ADCY10: variants seen among roughly 807,000 people sequenced by gnomAD.
The protein encoded by ADCY10 is adenylate cyclase 10.
ADCY10 carries 156 observed loss-of-function variants against 183.3 expected under a neutral mutation model. That is an observed-to-expected ratio of 0.85 (90% CI 0.75 to 0.97). The LOEUF (loss-of-function observed/expected upper bound fraction) is 0.97, where lower values mean the gene tolerates loss of function less well. Among genes scored for constraint, ADCY10 ranks in the 50% least tolerant of loss-of-function variants. The pLI is 0.00. For synonymous variants in ADCY10, 645 were observed against 670.0 expected, an observed-to-expected ratio of 0.96 and a Z score of 0.58; for missense variants, 1,745 against 1,934.3, an observed-to-expected ratio of 0.90 and a Z score of 1.84.
intron 30 of ADCY10, chr1:167,820,322 C>T (rs996067722): frequency 1.9e-6 from 2 of 1,060,714 alleles, no homozygotes; most frequent in South Asian, 1.7e-5. Flanking sequence ...GGGGACTAGC[C>T]GGCCTTGAGG....
At chr1:167,831,761 A>T (rs1355733157) in intron 25 of ADCY10, among the ~76,000 whole-genome samples, 1 of 152,234 alleles carries the variant, frequency 6.6e-6, no homozygotes, top group Non-Finnish European at 1.5e-5. Context: ...TTGAATTTTA[A>T]ACCTAATAAT....
chr1:167,904,971 C>G, intron 2 of ADCY10, 22 bp downstream of exon 2: 1 of 1,614,212 alleles, frequency 6.2e-7, no homozygotes, highest in Non-Finnish European at 8.5e-7. Flanking sequence ...CCACATTAAA[C>G]AAACATCCCT....
At chr1:167,823,174 C>A (rs548855914) in intron 28 of ADCY10, 51 bp from the exon 29 acceptor site, 2 of 1,527,640 alleles carry the variant, frequency 1.3e-6, no homozygotes, top group East Asian at 2.3e-5. Flanking sequence ...ATATTGTAAT[C>A]CCAGCACTTT....
chr1:167,912,257 T>C (rs1670190775), intron 1 of ADCY10, among the ~76,000 whole-genome samples: 4 of 152,174 alleles, frequency 2.6e-5, no homozygotes, highest in Admixed American at 1.3e-4. Flanking sequence ...TTTTAAAGCA[T>C]CTCCAGAAAA....
chr1:167,858,967 A>G (rs1666099850), intron 16 of ADCY10, among the ~76,000 whole-genome samples: 1 of 152,238 alleles, frequency 6.6e-6, no homozygotes, highest in Non-Finnish European at 1.5e-5. Context: ...GACTGAGGTA[A>G]AAATAGTAGG....
At chr1:167,881,416 C>T (rs1667861087) in intron 9 of ADCY10, among the ~76,000 whole-genome samples, 1 of 152,184 alleles carries the variant, frequency 6.6e-6, no homozygotes, top group Admixed American at 6.5e-5. Flanking sequence ...ATTTCTTCAA[C>T]CCTCTCCAAA....
In ADCY10 at chr1:167,896,597, T is replaced by C. The variant is rs1273823831; in HGVS notation, c.737A>G (p.Lys246Arg). ...FMHYYPSGEH[K>R]NLLRLACTLK... ...ATTTTTCCATGGTGGGTACTTACTTTTGTGCTCACCAGAAGGATAATAATG... is the reference window on the plus strand; with the variant it reads ...ATTTTTCCATGGTGGGTACTTACTTCTGTGCTCACCAGAAGGATAATAATG... The change falls in exon 7 of 33, where the codon AAA (lysine) becomes AGA (arginine). Residue 246 changes from lysine to arginine, a missense_variant and splice_region_variant. Physicochemically the swap from Lys to Arg is conservative, Grantham distance 26 (BLOSUM62 2). Transcript: ENST00000367851. The C allele has an allele frequency of 3.7e-6, 6 of 1,609,486 alleles. No homozygotes were observed. The East Asian group carries it at 6.7e-5, about 18-fold the overall frequency.
At chr1:167,859,231 A>G (rs1035655581) in intron 16 of ADCY10, among the ~76,000 whole-genome samples, 3 of 152,218 alleles carry the variant, frequency 2.0e-5, no homozygotes, top group Non-Finnish European at 4.4e-5. Context: ...GGGGACTGAA[A>G]TATAAATTTG....
intron 13 of ADCY10, among the ~76,000 whole-genome samples, chr1:167,874,436 A>G (rs949644686): frequency 1.3e-5 from 2 of 152,242 alleles, no homozygotes; most frequent in Non-Finnish European, 2.9e-5. Flanking sequence ...AGATACCACT[A>G]TACACCCAAC....
intron 12 of ADCY10, 48 bp downstream of exon 12, chr1:167,878,398 C>T: frequency 6.3e-7 from 1 of 1,590,016 alleles, no homozygotes; most frequent in Non-Finnish European, 8.6e-7. Flanking sequence ...TCATAATTCT[C>T]CCGCTTCTTT....
rs79093040 is a variant in ADCY10, at chr1:167,883,417, A to T, written c.1020+20T>A. 4.7e-3 allele frequency: 7,509 copies of T among 1,612,700 alleles called. 194 individuals carry two copies. The East Asian group carries it at 0.085, about 18-fold the overall frequency. On this transcript the variant is annotated intron_variant, in intron 9 of 32. Coordinates refer to ENST00000367851, the MANE Select transcript of ADCY10 (RefSeq NM_018417.6). Reference sequence around the variant, plus strand: ...AACCTAAAACTATTGGTAGGTTCCCATCCCATAGTTCACACTTACCTTGTC... The same window carrying T: ...AACCTAAAACTATTGGTAGGTTCCCTTCCCATAGTTCACACTTACCTTGTC...
intron 15 of ADCY10, 134 bp downstream of exon 15, chr1:167,860,737 T>C (rs1571328437): frequency 5.4e-6 from 4 of 736,194 alleles, no homozygotes; most frequent in East Asian, 5.1e-5. Context: ...CCAGAGAGGA[T>C]TGGGAGCCAT....
chr1:167,838,835 A>T (rs1190982105), intron 21 of ADCY10, among the ~76,000 whole-genome samples: 1 of 152,206 alleles, frequency 6.6e-6, no homozygotes, highest in Non-Finnish European at 1.5e-5. Context: ...CCAGAAACTT[A>T]TACCCACTTA....
At chr1:167,896,278 A>T (rs1486822295) in intron 7 of ADCY10, among the ~76,000 whole-genome samples, 3 of 152,176 alleles carry the variant, frequency 2.0e-5, no homozygotes, top group Non-Finnish European at 2.9e-5. Flanking sequence ...CTTTTCCTAG[A>T]AGTTTATTGG....
rs565981275 is a variant in ADCY10 at position 167,848,330 on chromosome 1, T to G, written c.2437+31A>C. ...TCCCAAAGTGCTGGGATTACAGGCG[T>G]GAGCCACTGCGCCCGGCCAGATTTT... On this transcript the variant is annotated intron_variant, in intron 19 of 32. Transcript: ENST00000367851. 27 of 1,604,928 alleles carry G rather than the reference T, an allele frequency of 1.7e-5. No homozygotes were observed. In the East Asian group the frequency reaches 4.0e-4, roughly 24 times the overall value.
intron 31 of ADCY10, 97 bp downstream of exon 31, chr1:167,817,971 AAAAT>A: frequency 1.6e-6 from 2 of 1,227,346 alleles, no homozygotes; most frequent in Non-Finnish European, 2.3e-6. Context: ...TTCTATTATA[AAAAT>A]ATATGAATTC....
intron 14 of ADCY10, among the ~76,000 whole-genome samples, chr1:167,866,742 A>AG (rs1450193465): frequency 1.5e-5 from 2 of 134,436 alleles, no homozygotes; most frequent in African/African-American, 6.4e-5. Flanking sequence ...ATATAAAGAA[A>AG]GTTCACTTAA....
intron 1 of ADCY10, among the ~76,000 whole-genome samples, chr1:167,908,799 A>T: frequency 6.6e-6 from 1 of 152,216 alleles, no homozygotes; most frequent in East Asian, 1.9e-4. Context: ...GAAATTTCAA[A>T]AGAATAAGTG....
chr1:167,812,402 AG>A, intron 31 of ADCY10, among the ~76,000 whole-genome samples: 1 of 152,328 alleles, frequency 6.6e-6, no homozygotes, highest in South Asian at 2.1e-4. Flanking sequence ...GTGCATGCCT[AG>A]GGAAAGGCAC....
Sources: gnomAD v4.1 joint callset for allele counts (sites outside exome capture counted in the v4.1 genomes callset) on GRCh38, gnomAD v4.1.1 for gene constraint, MANE v1.5 for transcripts, NCBI Gene and HGNC (gene_info 2026-07-23, HGNC 2026-07-21) for gene names.